Variants in PDE1A observed in about 807,000 individuals in gnomAD.
The protein encoded by PDE1A is phosphodiesterase 1A.
Under a neutral mutation model 61.7 loss-of-function variants are expected in PDE1A, and 35 were observed. That is an observed-to-expected ratio of 0.57 (90% CI 0.43 to 0.75). The LOEUF is 0.75. Ranked by LOEUF, PDE1A falls within the 30% of genes least tolerant of loss-of-function variation. The pLI, the probability that PDE1A is intolerant of heterozygous loss-of-function variation, is 0.00. For synonymous variants in PDE1A, 232 were observed against 213.2 expected, an observed-to-expected ratio of 1.09 and a Z score of -0.77; for missense variants, 597 against 630.6, an observed-to-expected ratio of 0.95 and a Z score of 0.57.
At chr2:182,649,196 C>T in the PDE1A span, among the ~76,000 whole-genome samples, 6 of 152,278 alleles carry the variant, frequency 3.9e-5, no homozygotes, top group East Asian at 1.2e-3. Context: ...AGATAAGATT[C>T]AGACATATTA....
At chr2:182,670,908 C>G in the PDE1A span, among the ~76,000 whole-genome samples, 2 of 151,280 alleles carry the variant, frequency 1.3e-5, no homozygotes, top group Non-Finnish European at 2.9e-5. Context: ...ACCTTTGCCT[C>G]CTGGGTTCAA....
the PDE1A span, among the ~76,000 whole-genome samples, chr2:182,613,457 G>A: frequency 9.2e-5 from 14 of 151,960 alleles, no homozygotes; most frequent in South Asian, 6.3e-4. Context: ...CAGCTACTTC[G>A]GAGGCTGAGG....
At chr2:182,417,705 T>C (rs563849997) in intron 1 of PDE1A, among the ~76,000 whole-genome samples, 13 of 152,306 alleles carry the variant, frequency 8.5e-5, no homozygotes, top group African/African-American at 3.1e-4. Context: ...ATTTTGCCTT[T>C]CCATTCCTAG....
At chr2:182,555,886 G>C in the PDE1A span, among the ~76,000 whole-genome samples, 1 of 141,872 alleles carries the variant, frequency 7.0e-6, no homozygotes, top group Non-Finnish European at 1.5e-5. Context: ...AGAATCGCTT[G>C]GACCCGGGAG....
intron 2 of PDE1A, among the ~76,000 whole-genome samples, chr2:182,435,924 T>A (rs1013498216): frequency 2.0e-5 from 3 of 152,078 alleles, no homozygotes; most frequent in Non-Finnish European, 4.4e-5. Flanking sequence ...ATGTCAGTAA[T>A]GGAAAATTCC....
At chr2:182,654,578 G>A in the PDE1A span, among the ~76,000 whole-genome samples, 1 of 152,102 alleles carries the variant, frequency 6.6e-6, no homozygotes, top group Non-Finnish European at 1.5e-5. Context: ...TTTATCCAAA[G>A]CCCTTTGAAA....
chr2:182,428,320 A>C (rs1703741395), upstream of PDE1A, among the ~76,000 whole-genome samples: 4 of 152,102 alleles, frequency 2.6e-5, no homozygotes, highest in South Asian at 8.3e-4. Context: ...GTTATTTCTA[A>C]ATCTGATTCG....
the PDE1A span, among the ~76,000 whole-genome samples, chr2:182,562,702 G>T: frequency 6.6e-6 from 1 of 151,904 alleles, no homozygotes; most frequent in East Asian, 1.9e-4. Context: ...TTTTTGGTTG[G>T]TAAGCTATTG....
At chr2:182,396,601 T>C (rs1415003628) in intron 1 of PDE1A, among the ~76,000 whole-genome samples, 1 of 152,238 alleles carries the variant, frequency 6.6e-6, no homozygotes, top group African/African-American at 2.4e-5. Context: ...GAAAATATCT[T>C]CATTTTATTT....
chr2:182,144,429 T>G (rs1574485569), downstream of PDE1A, among the ~76,000 whole-genome samples: 1 of 152,224 alleles, frequency 6.6e-6, no homozygotes, highest in African/African-American at 2.4e-5. Context: ...AACACTTTCG[T>G]GGTCTAAAAT....
chr2:182,334,267 G>GAAACAC (rs1553588870), intron 1 of PDE1A, among the ~76,000 whole-genome samples: 98 of 145,808 alleles, frequency 6.7e-4, no homozygotes, highest in African/African-American at 2.5e-3. Context: ...CCCTGGAAGA[G>GAAACAC]ACACACACAC....
chr2:182,489,453 G>A (rs566205832), intron 2 of PDE1A, among the ~76,000 whole-genome samples: 12 of 152,220 alleles, frequency 7.9e-5, no homozygotes, highest in Non-Finnish European at 1.3e-4. Context: ...AGCAGAGGTG[G>A]AAGAGTGGAT....
intron 1 of PDE1A, among the ~76,000 whole-genome samples, chr2:182,278,808 T>A (rs571150046): frequency 9.5e-4 from 144 of 152,108 alleles, no homozygotes; most frequent in African/African-American, 3.4e-3. Flanking sequence ...GGAAGAAAAA[T>A]CTGGTAGAAT....
At chr2:182,427,114 G>C, upstream of PDE1A, 1 of 597,232 alleles carries the variant, frequency 1.7e-6, no homozygotes, top group Non-Finnish European at 2.1e-6. Context: ...TTGTACAGCT[G>C]GTTCAGCAGC....
intron 1 of PDE1A, among the ~76,000 whole-genome samples, chr2:182,406,443 A>G (rs1009093604): frequency 6.6e-6 from 1 of 152,022 alleles, no homozygotes; most frequent in African/African-American, 2.4e-5. Context: ...GCGTTTGCTT[A>G]TTATTCATTT....
chr2:182,294,811 G>C (rs1011813889), intron 1 of PDE1A, among the ~76,000 whole-genome samples: 1 of 152,056 alleles, frequency 6.6e-6, no homozygotes, highest in African/African-American at 2.4e-5. Flanking sequence ...AGGTAAAGAC[G>C]AAAGGGTGTT....
intron 13 of PDE1A, among the ~76,000 whole-genome samples, chr2:182,161,219 C>T (rs975843542): frequency 6.6e-6 from 1 of 152,146 alleles, no homozygotes; most frequent in Non-Finnish European, 1.5e-5. Context: ...AGAATCTCCT[C>T]TTCTTTAGCC....
At chr2:182,250,556 GC>G (rs147216371) in intron 2 of PDE1A, among the ~76,000 whole-genome samples, 15,212 of 151,348 alleles carry the variant, frequency 0.1, 1,079 homozygotes, top group East Asian at 0.31. Flanking sequence ...TATCTCAATA[GC>G]TTTTTTTTAA....
intron 2 of PDE1A, among the ~76,000 whole-genome samples, chr2:182,487,077 A>T (rs1688067952): frequency 1.3e-5 from 2 of 152,198 alleles, no homozygotes; most frequent in Non-Finnish European, 2.9e-5. Context: ...CAAAATATGG[A>T]TTTAATTCAT....
Sources: allele counts gnomAD v4.1 joint callset (sites outside exome capture counted in the v4.1 genomes callset), GRCh38; gene constraint gnomAD v4.1.1; transcripts MANE v1.5; gene names NCBI Gene and HGNC (gene_info 2026-07-23, HGNC 2026-07-21).